Variants in NOS1 observed in about 807,000 individuals in gnomAD.
NOS1 encodes nitric oxide synthase 1.
A neutral mutation model predicts 164.5 loss-of-function variants in NOS1; 51 were observed. The observed-to-expected ratio is 0.31, with a 90% CI of 0.25 to 0.39. The LOEUF (loss-of-function observed/expected upper bound fraction) is 0.39. Ranked by LOEUF, NOS1 falls within the 10% of genes least tolerant of loss-of-function variation. The probability of loss-of-function intolerance (pLI) is 1.00; values close to 1 mark genes in which losing one functional copy is unlikely to be tolerated. For missense variants in NOS1, 1,362 were observed against 1,885.6 expected (o/e 0.72, Z 5.14); for synonymous variants, 719 against 745.8 (o/e 0.96, Z 0.59).
chr12:117,358,995 T>C (rs569106044), intron 1 of NOS1, among the ~76,000 whole-genome samples: 1 of 152,322 alleles, frequency 6.6e-6, no homozygotes, highest in South Asian at 2.1e-4. Flanking sequence ...ACTTACCAGC[T>C]AGGTGACTAT....
At chr12:117,297,599 T>A (rs1873507156) in intron 3 of NOS1, among the ~76,000 whole-genome samples, 1 of 151,746 alleles carries the variant, frequency 6.6e-6, no homozygotes, top group East Asian at 1.9e-4. Context: ...TTCATGTTGG[T>A]TGGGCTGATC....
At chr12:117,235,248 C>T (rs1247904088) in intron 20 of NOS1, among the ~76,000 whole-genome samples, 1 of 152,138 alleles carries the variant, frequency 6.6e-6, no homozygotes, top group African/African-American at 2.4e-5. Context: ...TTATCAAGGT[C>T]ACCAGTGAAC....
At chr12:117,267,252 T>C (rs1206788378) in intron 11 of NOS1, among the ~76,000 whole-genome samples, 4 of 152,188 alleles carry the variant, frequency 2.6e-5, no homozygotes, top group South Asian at 2.1e-4. Flanking sequence ...GTGATGCCCA[T>C]TGTCCTGGCA....
At chr12:117,217,621 C>T (rs961660206) in intron 28 of NOS1, among the ~76,000 whole-genome samples, 3 of 151,902 alleles carry the variant, frequency 2.0e-5, no homozygotes, top group African/African-American at 7.3e-5. Context: ...ACGAGAATTG[C>T]TTGAGCCTAG....
At chr12:117,244,028 C>T (rs951752698) in intron 18 of NOS1, among the ~76,000 whole-genome samples, 36 of 152,124 alleles carry the variant, frequency 2.4e-4, no homozygotes, top group Admixed American at 1.4e-3. Context: ...AATTCTATTG[C>T]GTCATTTATT....
chr12:117,346,092 C>G (rs529281081), intron 1 of NOS1, among the ~76,000 whole-genome samples: 1 of 152,362 alleles, frequency 6.6e-6, no homozygotes, highest in South Asian at 2.1e-4. Flanking sequence ...TCTCACTTCA[C>G]TTCCTGAAAG....
intron 16 of NOS1, among the ~76,000 whole-genome samples, chr12:117,257,613 T>G (rs1217286024): frequency 2.8e-5 from 3 of 107,082 alleles, no homozygotes; most frequent in African/African-American, 1.1e-4. Flanking sequence ...TTAGCTTTTT[T>G]TTTTTTTTTT....
chr12:117,210,695 C>G lies in NOS1; in HGVS notation c.*4614G>C. On this transcript the variant is annotated 3_prime_UTR_variant, in exon 29 of 29. Coordinates refer to ENST00000317775, the MANE Select transcript of NOS1 (RefSeq NM_000620.5). The stretch of plus-strand genomic sequence containing the variant: ...CACTTGTTTTGAGCTTAGGGCAAGA[C>G]CTGACCTCTTTCAAAGTCCAGAGCA... The G allele has an allele frequency of 1.0e-6, 1 of 985,410 alleles. No homozygotes were observed. The highest frequency in any genetic ancestry group is 1.2e-6 in the Non-Finnish European group (1 of 829,960). The allele number at this position is 985,410 out of a possible 1,614,324, so 61.0% of individuals were successfully genotyped here. A position where few individuals can be genotyped will look rare whatever the true frequency, so the allele number is the denominator to read the frequency against.
At chr12:117,293,152 G>A (rs1237472048) in intron 3 of NOS1, among the ~76,000 whole-genome samples, 4 of 152,146 alleles carry the variant, frequency 2.6e-5, no homozygotes, top group African/African-American at 4.8e-5. Flanking sequence ...CATTCATGGC[G>A]CCATGTTGGA....
chr12:117,313,306 CT>C (rs1227908510), intron 2 of NOS1, among the ~76,000 whole-genome samples: 1 of 152,062 alleles, frequency 6.6e-6, no homozygotes, highest in Non-Finnish European at 1.5e-5. Flanking sequence ...TAGCGCCTGA[CT>C]TTTTTTGGAG....
At chr12:117,299,418 C>A (rs1873650597) in intron 3 of NOS1, among the ~76,000 whole-genome samples, 1 of 151,880 alleles carries the variant, frequency 6.6e-6, no homozygotes, top group Non-Finnish European at 1.5e-5. Context: ...GTGGGCGGAT[C>A]ACGAGGTCAG....
Position 117,209,483 on chromosome 12 carries a change from T to A in NOS1, c.*5826A>T. The stretch of plus-strand genomic sequence containing the variant: ...GTCCTGGAGTTACTTTCTAAAAGAC[T>A]ACAGGAAGCAGTGCATGGAGGCAGA... On this transcript the variant is annotated 3_prime_UTR_variant, in exon 29 of 29. Coordinates refer to ENST00000317775, the MANE Select transcript of NOS1 (RefSeq NM_000620.5). 1.0e-6 allele frequency: 1 copy of A among 985,450 alleles called. No individual in the cohort carries two copies. The highest frequency in any genetic ancestry group is 4.7e-5 in the South Asian group (1 of 21,284). The allele number at this position is 985,450 out of a possible 1,614,324, so 61.0% of individuals were successfully genotyped here.
rs1871246543 is a variant in NOS1 at position 117,253,654 on chromosome 12, G to T, written c.2632C>A (p.Pro878Thr). ...CTTGCTCACCTCACATTGGCCAGGG[G>T]TCCAGCACTCTCAAAGTTGTCTCTG... ...DLRDNFESAGPLANVRFSVFG... is the reference protein window; with the variant it reads ...DLRDNFESAGTLANVRFSVFG... The change falls in exon 17 of 29, where the codon CCC (proline) becomes ACC (threonine). Residue 878 changes from proline (P) to threonine (T), a missense_variant. Coordinates refer to ENST00000317775, the MANE Select transcript of NOS1 (RefSeq NM_000620.5). The T allele has an allele frequency of 1.2e-6, 2 of 1,613,464 alleles. No homozygotes were observed. Among genetic ancestry groups the T allele is most frequent in the African/African-American group, 2.7e-5 (2 of 74,974 alleles).
intron 1 of NOS1, among the ~76,000 whole-genome samples, chr12:117,353,041 C>T (rs1384938189): frequency 1.6e-4 from 25 of 151,984 alleles, no homozygotes; most frequent in Admixed American, 1.6e-3. Context: ...TCTATCCATC[C>T]ATCCATCCAT....
At chr12:117,225,580 G>C (rs1193884515) in intron 24 of NOS1, among the ~76,000 whole-genome samples, 1 of 152,068 alleles carries the variant, frequency 6.6e-6, no homozygotes, top group Admixed American at 6.6e-5. Context: ...TGGCAGGGGT[G>C]GGGTGGGGTG....
chr12:117,220,186 G>T lies in NOS1; in HGVS notation c.4059C>A (p.Val1353=), dbSNP rs2293044. Residue 1353 remains valine (V), a synonymous_variant, in exon 27 of 29, where the codon GTC becomes GTA. Coordinates refer to ENST00000317775, the MANE Select transcript of NOS1 (RefSeq NM_000620.5). The part of the protein sequence containing the change: ...ALKEQGGHIY[V]CGDVTMAADV... ...CAGCAGCCATGGTGACGTCCCCACA[G>T]ACGTATATGTGGCCCCCTTGCTCCT... is the stretch of plus-strand genomic sequence containing the variant. The T allele has an allele frequency of 0.013, 21,424 of 1,613,938 alleles. 467 individuals carry two copies. The highest frequency in any genetic ancestry group is 0.071 in the East Asian group (3,187 of 44,864).
chr12:117,346,132 T>C (rs1467425353), intron 1 of NOS1, among the ~76,000 whole-genome samples: 1 of 152,206 alleles, frequency 6.6e-6, no homozygotes, highest in Admixed American at 6.5e-5. Context: ...GCATGGCCCA[T>C]TACAAATGAG....
chr12:117,348,283 G>C (rs986974499), intron 1 of NOS1: 2 of 152,238 alleles, frequency 1.3e-5, no homozygotes, highest in Non-Finnish European at 1.5e-5. Context: ...GGTTAAAGGG[G>C]AATGTCATGG....
At chr12:117,350,111 C>T (rs1434171402) in intron 1 of NOS1, among the ~76,000 whole-genome samples, 1 of 152,106 alleles carries the variant, frequency 6.6e-6, no homozygotes, top group Non-Finnish European at 1.5e-5. Context: ...GTCATTTCCA[C>T]CAAGAAAGTT....
Sources: gnomAD v4.1 joint callset for allele counts (sites outside exome capture counted in the v4.1 genomes callset) on GRCh38, gnomAD v4.1.1 for gene constraint, MANE v1.5 for transcripts, NCBI Gene and HGNC (gene_info 2026-07-23, HGNC 2026-07-21) for gene names.